The following CFAP46 variants were observed in gnomAD, a reference collection of about 807,000 sequenced individuals.
CFAP46 encodes the protein cilia and flagella associated protein 46, also known as cilia- and flagella-associated protein 46.
Under a neutral mutation model 325.7 loss-of-function variants are expected in CFAP46, and 245 were observed. That is an observed-to-expected ratio of 0.75 (90% CI 0.68 to 0.84). The LOEUF (loss-of-function observed/expected upper bound fraction) is 0.84, where lower values mean the gene tolerates loss of function less well. Ranked by LOEUF, CFAP46 falls within the 40% of genes least tolerant of loss-of-function variation. The pLI is 0.00. For synonymous variants in CFAP46, 1,523 were observed against 1,495.9 expected, an observed-to-expected ratio of 1.02 and a Z score of -0.42; for missense variants, 3,346 against 3,543.0, an observed-to-expected ratio of 0.94 and a Z score of 1.41.
intron 20 of CFAP46, 74 bp downstream of exon 20, chr10:132,909,845 C>A (rs1190783423): frequency 3.8e-6 from 5 of 1,331,954 alleles, no homozygotes; most frequent in Admixed American, 3.6e-5. Flanking sequence ...GGGGGCCCCA[C>A]CACCCCCGGC....
chr10:132,843,039 T>C (rs1333015178), intron 44 of CFAP46, among the ~76,000 whole-genome samples: 4 of 152,232 alleles, frequency 2.6e-5, no homozygotes, highest in African/African-American at 9.6e-5. Flanking sequence ...ATAGCACCCT[T>C]GCTCTGTCTT....
At position 132,842,176 on chromosome 10, in the gene CFAP46, C is replaced by A. The variant is rs4271317; in HGVS notation, c.6438+3881G>T. ...GTAGTGGTTAGAAGTAGCCACGCAGCAGCCTAATTCTTTGCTGCTTGGATA... is the reference window on the plus strand; with the variant it reads ...GTAGTGGTTAGAAGTAGCCACGCAGAAGCCTAATTCTTTGCTGCTTGGATA... On this transcript the variant is annotated intron_variant, in intron 44 of 57. Transcript: ENST00000368586. Among the ~76,000 whole-genome samples, 971 of 152,320 alleles carry A rather than the reference C, an allele frequency of 6.4e-3. 10 individuals carry two copies. The highest frequency in any genetic ancestry group is 0.021 in the African/African-American group (869 of 41,562).
At chr10:132,910,231 A>G (rs796833370) in intron 19 of CFAP46, 163 bp from the exon 20 acceptor site, 8 of 578,366 alleles carry the variant, frequency 1.4e-5, no homozygotes, top group African/African-American at 1.2e-4. Context: ...CCACAAACCC[A>G]GCAGATGAAG....
chr10:132,880,351 C>A (rs1591068694), intron 28 of CFAP46, among the ~76,000 whole-genome samples: 1 of 152,356 alleles, frequency 6.6e-6, no homozygotes, highest in East Asian at 1.9e-4. Context: ...CCAGCAAACA[C>A]CCACTTTCCT....
At chr10:132,829,279 T>C (rs1848110808) in intron 50 of CFAP46, among the ~76,000 whole-genome samples, 1 of 152,196 alleles carries the variant, frequency 6.6e-6, no homozygotes, top group Non-Finnish European at 1.5e-5. Flanking sequence ...TCTTGCACCT[T>C]TTGTCAAACT....
Position 132,876,921 on chromosome 10 carries a change from G to C in CFAP46, c.4253C>G (p.Pro1418Arg). The C allele has an allele frequency of 6.4e-7, 1 of 1,550,564 alleles. No homozygotes were observed. Among genetic ancestry groups the C allele is most frequent in the South Asian group, 1.2e-5 (1 of 84,066 alleles). Residue 1418 changes from proline to arginine, a missense_variant, in exon 31 of 58, where the codon CCC (proline) becomes CGC (arginine). Transcript: ENST00000368586. This position sits in a 1 kb window ranked among gnomAD's most constrained non-coding sequence, Gnocchi z 4.1. ...PAPIKQLEDL[P>R]MSIEEWASYS... The stretch of plus-strand genomic sequence containing the variant: ...GGAAGCCCACTCTTCTATGCTCATG[G>C]GTAAGTCTTCCAGTTGTTTGATAGG...
chr10:132,819,888 G>A (rs961136825), intron 50 of CFAP46, among the ~76,000 whole-genome samples: 7 of 152,172 alleles, frequency 4.6e-5, no homozygotes, highest in African/African-American at 1.4e-4. Context: ...AAATAAACAC[G>A]TGAGATCACA....
At chr10:132,846,335 G>A in intron 43 of CFAP46, 108 bp from the exon 44 acceptor site, 1 of 1,340,732 alleles carries the variant, frequency 7.5e-7, no homozygotes. Flanking sequence ...GGAGTGGGCT[G>A]GCTCTCCTGG....
In CFAP46 at chr10:132,877,861, C is replaced by T. The variant is rs545415941; in HGVS notation, c.4212+20G>A. On this transcript the variant is annotated intron_variant, in intron 30 of 57. Transcript: ENST00000368586. This position sits in a 1 kb window ranked among gnomAD's most constrained non-coding sequence, Gnocchi z 5.7. ...GCCATCCTGGGCCCGGCCTCTGCAC[C>T]GTGGCCACTTGGGCATCACCTGCTT... is the stretch of plus-strand genomic sequence containing the variant. 4.8e-5 allele frequency: 74 copies of T among 1,548,256 alleles called. No homozygotes were observed. In the Admixed American group the frequency reaches 1.3e-3, roughly 27 times the overall value.
intron 8 of CFAP46, 94 bp from the exon 9 acceptor site, chr10:132,929,898 C>T: frequency 1.2e-6 from 1 of 848,746 alleles, no homozygotes; most frequent in Non-Finnish European, 1.8e-6. Flanking sequence ...CAAGCAGAAG[C>T]AGGAAATAAA....
chr10:132,813,848 A>G (rs1847635345), intron 54 of CFAP46, among the ~76,000 whole-genome samples: 1 of 152,210 alleles, frequency 6.6e-6, no homozygotes, highest in African/African-American at 2.4e-5. Flanking sequence ...TCTGGGGGGC[A>G]GAGTCTGCGA....
chr10:132,863,138 G>A (rs1220394020), intron 35 of CFAP46, among the ~76,000 whole-genome samples: 1 of 152,006 alleles, frequency 6.6e-6, no homozygotes, highest in Non-Finnish European at 1.5e-5. Context: ...GTGGCCCCGG[G>A]TATGAGGCAG....
intron 11 of CFAP46, 137 bp from the exon 12 acceptor site, chr10:132,922,845 C>T (rs944173855): frequency 2.2e-5 from 15 of 686,954 alleles, no homozygotes; most frequent in Non-Finnish European, 3.5e-5. Flanking sequence ...TGGCTTTCTG[C>T]CATCCTTCCA....
chr10:132,930,902 C>T (rs147558358), intron 8 of CFAP46, among the ~76,000 whole-genome samples: 1,428 of 94,790 alleles, frequency 0.015, 90 homozygotes, highest in African/African-American at 0.024. Context: ...CTTCCCCACA[C>T]TCCTCACACA....
chr10:132,822,377 G>GTGTGTGCTGA (rs1341306110), intron 50 of CFAP46, among the ~76,000 whole-genome samples: 2 of 146,704 alleles, frequency 1.4e-5, no homozygotes, highest in South Asian at 2.2e-4. Flanking sequence ...TGTGTGCTGT[G>GTGTGTGCTGA]TGTGTGCTGA....
Position 132,912,221 on chromosome 10 carries a change from CT to C in CFAP46, c.2499+433del, listed in dbSNP as rs143922802. 2.6e-5 allele frequency among the ~76,000 whole-genome samples: 2 copies of C among 77,730 alleles called. 1 individual carries two copies. The highest frequency in any genetic ancestry group is 9.4e-4 in the South Asian group (2 of 2,120). The allele number at this position is 77,730 out of a possible 152,430, so 51.0% of individuals were successfully genotyped here. A position where few individuals can be genotyped will look rare whatever the true frequency, so the allele number is the denominator to read the frequency against. Reference sequence around the variant, plus strand: ...TCTCTCTCTCTTCCCTCTCCTCTCTCTTCTCCTCTCTCCTGTCCTCTTTCCT... The same window carrying C: ...TCTCTCTCTCTTCCCTCTCCTCTCTCTCTCCTCTCTCCTGTCCTCTTTCCT... On this transcript the variant is annotated intron_variant, in intron 19 of 57. Transcript: ENST00000368586.
intron 24 of CFAP46, chr10:132,898,511 A>C: frequency 3.3e-6 from 1 of 305,114 alleles, no homozygotes; most frequent in South Asian, 2.9e-5. Context: ...TGGGGGCTCC[A>C]CTCCCCGCCA....
rs1235852878 is a variant in CFAP46 at position 132,899,650 on chromosome 10, C to G, written c.2941G>C (p.Val981Leu). 6.5e-7 allele frequency: 1 copy of G among 1,549,652 alleles called. No homozygotes were observed. The highest frequency in any genetic ancestry group is 1.4e-5 in the African/African-American group (1 of 73,060). ...GTGGCTGTGCACAGCATCTCTGCCACCAGCCGGGACTCCTCGCTGCAGGAA... is the reference window on the plus strand; with the variant it reads ...GTGGCTGTGCACAGCATCTCTGCCAGCAGCCGGGACTCCTCGCTGCAGGAA... ...KKFGPEESRL[V>L]AEMLCTATAI... Residue 981 changes from valine (V) to leucine (L), a missense_variant, in exon 23 of 58, where the codon GTG becomes CTG. Coordinates refer to ENST00000368586, the MANE Select transcript of CFAP46 (RefSeq NM_001200049.3).
At position 132,942,480 on chromosome 10, in the gene CFAP46, T is replaced by G; in HGVS notation, c.5A>C (p.Asp2Ala). Residue 2 changes from aspartate (D) to alanine (A), a missense_variant, in exon 1 of 58, where the codon GAC (aspartate) becomes GCC (alanine). Transcript: ENST00000368586. M[D>A]LVITQELARA... is the part of the protein sequence containing the mutation. Reference sequence around the variant, plus strand: ...GGCCAGCTCCTGCGTGATGACCAGGTCCATGGCGCCGGCGCCCTGCTCGTC... The same window carrying G: ...GGCCAGCTCCTGCGTGATGACCAGGGCCATGGCGCCGGCGCCCTGCTCGTC... The G allele has an allele frequency of 7.8e-7, 1 of 1,286,922 alleles. No homozygotes were observed. The highest frequency in any genetic ancestry group is 9.8e-7 in the Non-Finnish European group (1 of 1,019,400). The allele number at this position is 1,286,922 out of a possible 1,614,324, so 79.7% of individuals were successfully genotyped here.
Sources: allele counts gnomAD v4.1 joint callset (sites outside exome capture counted in the v4.1 genomes callset), GRCh38; gene constraint gnomAD v4.1.1; non-coding constraint Gnocchi (gnomAD v3.1); transcripts MANE v1.5; gene names NCBI Gene and HGNC (gene_info 2026-07-23, HGNC 2026-07-21).